Variants in SV2B observed in about 807,000 individuals in gnomAD.
The protein encoded by SV2B is solute carrier family 22 member B2.
A neutral mutation model predicts 73.9 loss-of-function variants in SV2B; 41 were observed. The ratio of observed to expected loss-of-function variants is 0.56; its 90% confidence interval spans 0.43 to 0.72. The LOEUF (loss-of-function observed/expected upper bound fraction) is 0.72. Ranked by LOEUF, SV2B falls within the 30% of genes least tolerant of loss-of-function variation. SV2B has a pLI of 0.00. For missense variants in SV2B, 764 were observed against 857.8 expected (o/e 0.89, Z 1.37); for synonymous variants, 314 against 314.2 (o/e 1.00, Z 0.01).
At chr15:91,184,707 A>G (rs1193196547) in intron 1 of SV2B, among the ~76,000 whole-genome samples, 1 of 152,108 alleles carries the variant, frequency 6.6e-6, no homozygotes, top group Non-Finnish European at 1.5e-5. Context: ...CATGTGTTTC[A>G]TTTTATCATT....
Position 91,187,655 on chromosome 15 carries a change from G to T in SV2B, c.-391-38218G>T, listed in dbSNP as rs1221570369. ...CAACCTGCAATTCATTCAATTTTATGTTTTGTTTTTTTTTTTTAAATTGTG... is the reference window on the plus strand; with the variant it reads ...CAACCTGCAATTCATTCAATTTTATTTTTTGTTTTTTTTTTTTAAATTGTG... On this transcript the variant is annotated intron_variant, in intron 1 of 12. Coordinates refer to ENST00000394232, the MANE Select transcript of SV2B (RefSeq NM_001323032.3). Among the ~76,000 whole-genome samples, 490 of 132,412 alleles carry T rather than the reference G, an allele frequency of 3.7e-3. 2 individuals carry two copies. The highest frequency in any genetic ancestry group is 0.014 in the African/African-American group (480 of 35,196). The allele number at this position is 132,412 out of a possible 152,430, so 86.9% of individuals were successfully genotyped here.
rs114435114 is a variant in SV2B, at chr15:91,169,316, G to A, written c.-391-56557G>A. Among the ~76,000 whole-genome samples the A allele has an allele frequency of 3.2e-3, 482 of 152,222 alleles. 3 individuals are homozygous for A. Among genetic ancestry groups the A allele is most frequent in the African/African-American group, 0.011 (471 of 41,514 alleles). On this transcript the variant is annotated intron_variant, in intron 1 of 12. Coordinates refer to ENST00000394232, the MANE Select transcript of SV2B (RefSeq NM_001323032.3). ...ATGTCTTCTTTAAGAACCTGGGCTA[G>A]GTCTATTTCACTCTCCTGCATGTGG...
rs377102968 is a variant in SV2B, at chr15:91,302,274, G to A, written c.*9722G>A. ...TTAATTCTCAGATTGATTCAAATGC[G>A]GACTTAACACTGCAGCTGTAACTCT... On this transcript the variant is annotated 3_prime_UTR_variant, in exon 13 of 13. Coordinates refer to ENST00000394232, the MANE Select transcript of SV2B (RefSeq NM_001323032.3). Among the ~76,000 whole-genome samples, 14 of 152,198 alleles carry A rather than the reference G, an allele frequency of 9.2e-5. No homozygotes were observed. The highest frequency in any genetic ancestry group is 7.7e-4 in the East Asian group (4 of 5,174).
At position 91,141,057 on chromosome 15, in the gene SV2B, A is replaced by G. The variant is rs16945255; in HGVS notation, c.-392+40694A>G. Among the ~76,000 whole-genome samples, 20,382 of 152,224 alleles carry G rather than the reference A, an allele frequency of 0.13. 1,511 individuals carry two copies. The highest frequency in any genetic ancestry group is 0.19 in the African/African-American group (7,764 of 41,520). ...CACTCAGGTGGCAGGACTTATAGCT[A>G]AGAGTGGCATAGGATCACACTGTTT... On this transcript the variant is annotated intron_variant, in intron 1 of 12. Transcript: ENST00000394232. This position sits in a 1 kb window ranked among gnomAD's most constrained non-coding sequence, Gnocchi z 4.6.
chr15:91,237,893 A>G (rs1240793762), intron 2 of SV2B, among the ~76,000 whole-genome samples: 2 of 152,216 alleles, frequency 1.3e-5, no homozygotes, highest in Non-Finnish European at 2.9e-5. Flanking sequence ...TGGTTTTCCT[A>G]ATCGCTCTTA....
At position 91,105,714 on chromosome 15, in the gene SV2B, A is replaced by G. The variant is rs2041863468; in HGVS notation, c.-392+5351A>G. Reference sequence around the variant, plus strand: ...GGTGGAAACAGGGAGATTAGTCAGGATGGTACTGCAGTGACCCAGGTGAGA... The same window carrying G: ...GGTGGAAACAGGGAGATTAGTCAGGGTGGTACTGCAGTGACCCAGGTGAGA... On this transcript the variant is annotated intron_variant, in intron 1 of 12. Transcript: ENST00000394232. This position sits in a 1 kb window ranked among gnomAD's most constrained non-coding sequence, Gnocchi z 5.5. Among the ~76,000 whole-genome samples, 1 of 152,204 alleles carries G rather than the reference A, an allele frequency of 6.6e-6. No individual in the cohort carries two copies. The highest frequency in any genetic ancestry group is 2.1e-4 in the South Asian group (1 of 4,828).
At chr15:91,192,630 G>A (rs529678529) in intron 1 of SV2B, among the ~76,000 whole-genome samples, 115 of 152,290 alleles carry the variant, frequency 7.6e-4, no homozygotes, top group African/African-American at 2.6e-3. Flanking sequence ...GCTTTAAAAT[G>A]GCTAACATAA....
At chr15:91,198,497 G>GTGTGTC (rs377436291) in intron 1 of SV2B, among the ~76,000 whole-genome samples, 1 of 142,406 alleles carries the variant, frequency 7.0e-6, no homozygotes, top group Non-Finnish European at 1.6e-5. Context: ...GTGTGTGTGT[G>GTGTGTC]TAGGTGTGTG....
chr15:91,207,123 G>C (rs888287924), intron 1 of SV2B, among the ~76,000 whole-genome samples: 1 of 151,440 alleles, frequency 6.6e-6, no homozygotes, highest in African/African-American at 2.4e-5. Flanking sequence ...CCGGGCTCCA[G>C]TGATCCTCCC....
At chr15:91,249,614 C>T (rs1359283779) in intron 2 of SV2B, among the ~76,000 whole-genome samples, 2 of 152,050 alleles carry the variant, frequency 1.3e-5, no homozygotes, top group African/African-American at 4.8e-5. Context: ...ACAAAACTGA[C>T]AGACTTTTAG....
intron 1 of SV2B, among the ~76,000 whole-genome samples, chr15:91,199,924 C>A (rs2045400212): frequency 6.6e-6 from 1 of 152,158 alleles, no homozygotes; most frequent in African/African-American, 2.4e-5. Flanking sequence ...GAGGCTGGGC[C>A]TGCAGGCTGA....
chr15:91,179,977 C>T (rs2141310399), intron 1 of SV2B, among the ~76,000 whole-genome samples: 1 of 151,418 alleles, frequency 6.6e-6, no homozygotes, highest in South Asian at 2.1e-4. Flanking sequence ...GATGCAGTTT[C>T]TTCCTAGTCT....
In SV2B at chr15:91,106,959, G is replaced by A. The variant is rs961412293; in HGVS notation, c.-392+6596G>A. 1.3e-5 allele frequency among the ~76,000 whole-genome samples: 2 copies of A among 152,242 alleles called. No homozygotes were observed. The highest frequency in any genetic ancestry group is 6.5e-5 in the Admixed American group (1 of 15,280). ...GCTGGAATGACTTCAGCCTCAGGCTGTGGGTGCTGTCCATTTTCTTCTCGT... is the reference window on the plus strand; with the variant it reads ...GCTGGAATGACTTCAGCCTCAGGCTATGGGTGCTGTCCATTTTCTTCTCGT... On this transcript the variant is annotated intron_variant, in intron 1 of 12. Transcript: ENST00000394232. This position sits in a 1 kb window ranked among gnomAD's most constrained non-coding sequence, Gnocchi z 4.4.
chr15:91,264,649 T>C (rs2048038914), intron 6 of SV2B, among the ~76,000 whole-genome samples: 1 of 152,206 alleles, frequency 6.6e-6, no homozygotes, highest in South Asian at 2.1e-4. Context: ...GCCTCCCATT[T>C]AGTTATTTTA....
chr15:91,119,585 G>C (rs1354446111), intron 1 of SV2B, among the ~76,000 whole-genome samples: 4 of 152,192 alleles, frequency 2.6e-5, no homozygotes, highest in African/African-American at 9.7e-5. Flanking sequence ...TTTTCTTTCT[G>C]ATTAGAAAGG....
chr15:91,218,988 G>T (rs2046127611), intron 1 of SV2B, among the ~76,000 whole-genome samples: 1 of 151,910 alleles, frequency 6.6e-6, no homozygotes, highest in African/African-American at 2.4e-5. Flanking sequence ...ACCCAGGCTG[G>T]AGTGCAGTGG....
intron 1 of SV2B, among the ~76,000 whole-genome samples, chr15:91,182,595 G>A (rs1260727338): frequency 6.6e-6 from 1 of 152,130 alleles, no homozygotes; most frequent in African/African-American, 2.4e-5. Context: ...TTTACCAGGA[G>A]CCCACACAGC....
rs2042604877 is a variant in SV2B, at chr15:91,130,361, A to G, written c.-392+29998A>G. ...CAGGGACAAGGTCAGGGTTGGAGTT[A>G]CGTGCTTGGCTAGGGCTGAAGCATC... is the stretch of plus-strand genomic sequence containing the variant. On this transcript the variant is annotated intron_variant, in intron 1 of 12. Transcript: ENST00000394232. The surrounding 1 kb of genome is among the most constrained non-coding windows in gnomAD (Gnocchi z 5.6). Among the ~76,000 whole-genome samples, 1 of 152,242 alleles carries G rather than the reference A, an allele frequency of 6.6e-6. No individual in the cohort carries two copies. Among genetic ancestry groups the G allele is most frequent in the African/African-American group, 2.4e-5 (1 of 41,472 alleles).
intron 9 of SV2B, among the ~76,000 whole-genome samples, chr15:91,272,498 C>T (rs967887397): frequency 2.6e-5 from 4 of 152,128 alleles, no homozygotes; most frequent in Non-Finnish European, 5.9e-5. Flanking sequence ...GAAGTAATGT[C>T]TTACTCCTGG....
Sources: allele counts gnomAD v4.1 joint callset (sites outside exome capture counted in the v4.1 genomes callset), GRCh38; gene constraint gnomAD v4.1.1; non-coding constraint Gnocchi (gnomAD v3.1); transcripts MANE v1.5; gene names NCBI Gene and HGNC (gene_info 2026-07-23, HGNC 2026-07-21).